Variants in ASTN2 observed in about 807,000 individuals in gnomAD.
The protein encoded by ASTN2 is astrotactin-2.
A neutral mutation model predicts 139.8 loss-of-function variants in ASTN2; 54 were observed. That is an observed-to-expected ratio of 0.39 (90% CI 0.31 to 0.48). ASTN2 has a LOEUF of 0.48. Among genes scored for constraint, ASTN2 ranks in the 20% least tolerant of loss-of-function variants. ASTN2 has a pLI of 0.95. For missense variants in ASTN2, 1,565 were observed against 1,725.1 expected, an observed-to-expected ratio of 0.91 and a Z score of 1.64; for synonymous variants, 756 against 719.5, an observed-to-expected ratio of 1.05 and a Z score of -0.81.
chr9:117,066,544 T>C (rs1199826449), intron 5 of ASTN2, among the ~76,000 whole-genome samples: 1 of 150,468 alleles, frequency 6.6e-6, no homozygotes, highest in Non-Finnish European at 1.5e-5. Flanking sequence ...AGTAATGGGA[T>C]GGCTGGGTCA....
At chr9:117,034,566 A>G (rs564292993) in intron 6 of ASTN2, among the ~76,000 whole-genome samples, 2 of 152,298 alleles carry the variant, frequency 1.3e-5, no homozygotes, top group South Asian at 2.1e-4. Context: ...ATGGAAAAAA[A>G]GTAACACTTA....
rs184041029 is a variant in ASTN2, at chr9:117,395,807, G to A, written c.442+18690C>T. Reference sequence around the variant, plus strand: ...GTGAGGGCAAAAAGGACTTGAAAGAGAATGCCTGTTGAGGTGTGGTCCCAG... The same window carrying A: ...GTGAGGGCAAAAAGGACTTGAAAGAAAATGCCTGTTGAGGTGTGGTCCCAG... On this transcript the variant is annotated intron_variant, in intron 1 of 22. Transcript: ENST00000313400. Among the ~76,000 whole-genome samples, 226 of 152,292 alleles carry A rather than the reference G, an allele frequency of 1.5e-3. 1 individual carries two copies. Among genetic ancestry groups the A allele is most frequent in the Middle Eastern group, 6.8e-3 (2 of 292 alleles).
intron 5 of ASTN2, among the ~76,000 whole-genome samples, chr9:117,071,961 C>T (rs976356883): frequency 6.6e-6 from 1 of 152,174 alleles, no homozygotes; most frequent in East Asian, 1.9e-4. Flanking sequence ...ATGCAGAAAT[C>T]ACCCGTCTTC....
chr9:116,957,203 CTT>C (rs1275461534), intron 10 of ASTN2, among the ~76,000 whole-genome samples: 1 of 152,104 alleles, frequency 6.6e-6, no homozygotes, highest in Non-Finnish European at 1.5e-5. Flanking sequence ...CTCAGTCTCT[CTT>C]TCTCTCTACG....
At chr9:117,314,913 T>C (rs1351423964) in intron 1 of ASTN2, among the ~76,000 whole-genome samples, 2 of 145,900 alleles carry the variant, frequency 1.4e-5, no homozygotes, top group Admixed American at 1.4e-4. Flanking sequence ...TATTATATTG[T>C]AAATCTAGCA....
At chr9:117,190,032 C>T (rs1831305654) in intron 3 of ASTN2, among the ~76,000 whole-genome samples, 1 of 152,170 alleles carries the variant, frequency 6.6e-6, no homozygotes, top group Non-Finnish European at 1.5e-5. Flanking sequence ...ATTTCTCCTT[C>T]CTCTGGGAGA....
intron 10 of ASTN2, among the ~76,000 whole-genome samples, chr9:116,970,649 T>C (rs779160869): frequency 6.6e-6 from 1 of 152,216 alleles, no homozygotes; most frequent in African/African-American, 2.4e-5. Flanking sequence ...GTACTTGGAA[T>C]TGAAAGGCCA....
intron 1 of ASTN2, among the ~76,000 whole-genome samples, chr9:117,358,305 C>A (rs939547745): frequency 2.6e-5 from 4 of 151,670 alleles, no homozygotes; most frequent in African/African-American, 9.7e-5. Context: ...CATACACATC[C>A]ACATCCACAC....
At chr9:117,310,742 G>C (rs6478303) in intron 1 of ASTN2, among the ~76,000 whole-genome samples, 61,542 of 151,844 alleles carry the variant, frequency 0.41, 12,830 homozygotes, top group African/African-American at 0.46. Context: ...AACAATCCTC[G>C]CACCTCAGCC....
At chr9:116,730,831 G>A (rs113138696) in intron 14 of ASTN2, among the ~76,000 whole-genome samples, 3,517 of 152,206 alleles carry the variant, frequency 0.023, 142 homozygotes, top group South Asian at 0.16. Flanking sequence ...CAAGTAATTT[G>A]TAAAACCATC....
At chr9:116,632,745 G>A in intron 17 of ASTN2, among the ~76,000 whole-genome samples, 1 of 151,950 alleles carries the variant, frequency 6.6e-6, no homozygotes, top group East Asian at 1.9e-4. Flanking sequence ...TGCAACTTCA[G>A]TCTTCTTTGA....
At chr9:117,161,497 A>T (rs1830551418) in intron 3 of ASTN2, among the ~76,000 whole-genome samples, 1 of 152,010 alleles carries the variant, frequency 6.6e-6, no homozygotes, top group Non-Finnish European at 1.5e-5. Flanking sequence ...GGGTTCAAGC[A>T]ATTCTCCTGC....
intron 4 of ASTN2, among the ~76,000 whole-genome samples, chr9:117,118,007 T>C (rs55961264): frequency 0.38 from 57,568 of 151,844 alleles, 11,220 homozygotes; most frequent in Non-Finnish European, 0.43. Context: ...CCTGACCTCT[T>C]CACAAACCCA....
intron 5 of ASTN2, among the ~76,000 whole-genome samples, chr9:117,086,364 T>G (rs1828560007): frequency 6.6e-6 from 1 of 152,068 alleles, no homozygotes; most frequent in African/African-American, 2.4e-5. Flanking sequence ...CACAAGGTCA[T>G]GAAATCGAGA....
intron 19 of ASTN2, among the ~76,000 whole-genome samples, chr9:116,567,626 G>GA (rs1166198033): frequency 2.6e-5 from 4 of 152,184 alleles, no homozygotes; most frequent in African/African-American, 7.2e-5. Context: ...AAGATGGATT[G>GA]AAGGAGTGAA....
At chr9:117,150,853 C>T (rs115801066) in intron 3 of ASTN2, among the ~76,000 whole-genome samples, 2,972 of 152,086 alleles carry the variant, frequency 0.02, 89 homozygotes, top group African/African-American at 0.068. Flanking sequence ...CATATCACCA[C>T]GCCTGGATAA....
chr9:117,327,376 A>G (rs917605180), intron 1 of ASTN2, among the ~76,000 whole-genome samples: 1 of 152,182 alleles, frequency 6.6e-6, no homozygotes, highest in African/African-American at 2.4e-5. Context: ...GATGGACTCC[A>G]GGCAGTGAGA....
intron 10 of ASTN2, among the ~76,000 whole-genome samples, chr9:116,877,696 C>T (rs114108964): frequency 0.022 from 3,393 of 152,166 alleles, 118 homozygotes; most frequent in African/African-American, 0.077. Context: ...CCCAGGCTGT[C>T]CCCAGGAGAG....
intron 1 of ASTN2, among the ~76,000 whole-genome samples, chr9:117,396,603 T>C (rs1225370381): frequency 6.6e-6 from 1 of 152,150 alleles, no homozygotes; most frequent in Non-Finnish European, 1.5e-5. Context: ...TCTCACTCTG[T>C]CTCCCAGGCT....
Sources: allele counts gnomAD v4.1 joint callset (sites outside exome capture counted in the v4.1 genomes callset), GRCh38; gene constraint gnomAD v4.1.1; transcripts MANE v1.5; gene names NCBI Gene and HGNC (gene_info 2026-07-23, HGNC 2026-07-21).